POLN: variants seen among roughly 807,000 people sequenced by gnomAD.
The protein encoded by POLN is DNA polymerase N.
In POLN, 108 loss-of-function variants were observed where a neutral mutation model predicts 113.5. The ratio of observed to expected loss-of-function variants is 0.95; its 90% CI spans 0.81 to 1.12. The LOEUF is 1.12. POLN is among the 50% of genes most tolerant of loss of function. The pLI, the probability that POLN is intolerant of heterozygous loss-of-function variation, is 0.00. For missense variants in POLN, 1,097 were observed against 1,077.1 expected, an observed-to-expected ratio of 1.02 and a Z score of -0.26; for synonymous variants, 386 against 391.5, an observed-to-expected ratio of 0.99 and a Z score of 0.17.
Position 2,085,605 on chromosome 4 carries a change from C to A in POLN, c.2197+8G>T. The stretch of plus-strand genomic sequence containing the variant: ...GGGAGCAGGGAGCTCTGGTTGTGGC[C>A]AACTCACCTGTCTGGTGACACTGGG... On this transcript the variant is annotated splice_region_variant and intron_variant, in intron 21 of 25. Transcript: ENST00000511885. The A allele has an allele frequency of 6.2e-7, 1 of 1,613,688 alleles. No homozygotes were observed. The highest frequency in any genetic ancestry group is 1.1e-5 in the South Asian group (1 of 91,054).
At position 2,149,869 on chromosome 4, in the gene POLN, G is replaced by A. The variant is rs912129986; in HGVS notation, c.1731+6919C>T. ...GAGGCCAAGGAGGGCGGATCACGAGGTCAGGATTTTGAGACCAGCCTGGCC... is the reference window on the plus strand; with the variant it reads ...GAGGCCAAGGAGGGCGGATCACGAGATCAGGATTTTGAGACCAGCCTGGCC... On this transcript the variant is annotated intron_variant, in intron 16 of 25. Coordinates refer to ENST00000511885, the MANE Select transcript of POLN (RefSeq NM_181808.4). Among the ~76,000 whole-genome samples, 5 of 152,000 alleles carry A rather than the reference G, an allele frequency of 3.3e-5. No individual in the cohort carries two copies. The East Asian group carries it at 9.7e-4, about 29-fold the overall frequency.
intron 16 of POLN, among the ~76,000 whole-genome samples, chr4:2,146,641 G>C (rs1732149257): frequency 6.6e-6 from 1 of 152,138 alleles, no homozygotes; most frequent in Admixed American, 6.5e-5. Flanking sequence ...TGTGGGGAGG[G>C]GCAGGCAGAT....
rs1730712068 is a variant in POLN at position 2,093,441 on chromosome 4, AT to A, written c.2065+2409del. On this transcript the variant is annotated intron_variant, in intron 20 of 25. Coordinates refer to ENST00000511885, the MANE Select transcript of POLN (RefSeq NM_181808.4). This position sits in a 1 kb window ranked among gnomAD's most constrained non-coding sequence, Gnocchi z 4.1. ...ATGGCCCCATGCACCCTATGAGAGC[AT>A]TTTCCCAGGAGGAGATGGCACAGGG... 6.6e-6 allele frequency among the ~76,000 whole-genome samples: 1 copy of A among 152,172 alleles called. No individual in the cohort carries two copies. Among genetic ancestry groups the A allele is most frequent in the South Asian group, 2.1e-4 (1 of 4,830 alleles).
At chr4:2,173,755 G>A (rs535794644) in intron 11 of POLN, among the ~76,000 whole-genome samples, 200 bp downstream of exon 11, 6 of 151,934 alleles carry the variant, frequency 3.9e-5, no homozygotes, top group African/African-American at 7.3e-5. Flanking sequence ...AGAACTCCCC[G>A]GACACACACG....
In POLN at chr4:2,164,588, A is replaced by C. The variant is rs892431416; in HGVS notation, c.1555-5377T>G. ...GAGGCCAAGGTGGGTGGATTACCTG[A>C]GGTCAGGAGTTTGAGACCAGCCTGG... is the stretch of plus-strand genomic sequence containing the variant. On this transcript the variant is annotated intron_variant, in intron 13 of 25. Transcript: ENST00000511885. Among the ~76,000 whole-genome samples, 27 of 150,504 alleles carry C rather than the reference A, an allele frequency of 1.8e-4. 1 individual carries two copies. The highest frequency in any genetic ancestry group is 2.8e-4 in the Non-Finnish European group (19 of 67,734).
chr4:2,085,500 C>T lies in POLN; in HGVS notation c.2197+113G>A, dbSNP rs567575827. ...AAGAGCTGAGGATTCACCCAGGCCC[C>T]CAAACCAACCTCAGGACCCAGGGCC... On this transcript the variant is annotated intron_variant, in intron 21 of 25. Transcript: ENST00000511885. 181 of 1,432,038 alleles carry T rather than the reference C, an allele frequency of 1.3e-4. 1 individual carries two copies. The highest frequency in any genetic ancestry group is 1.5e-4 in the Non-Finnish European group (156 of 1,053,524). 88.7% of individuals were successfully genotyped at this position (1,432,038 alleles called of 1,614,324 possible).
chr4:2,107,633 AAGAG>A (rs1010213586), intron 19 of POLN, among the ~76,000 whole-genome samples: 12 of 152,076 alleles, frequency 7.9e-5, no homozygotes, highest in Admixed American at 7.2e-4. Context: ...TGGAAACGCG[AAGAG>A]AGAAAAGGCC....
intron 16 of POLN, among the ~76,000 whole-genome samples, chr4:2,152,239 T>C (rs990111088): frequency 2.6e-5 from 4 of 151,934 alleles, no homozygotes; most frequent in Middle Eastern, 3.4e-3. Context: ...GGTTTCACCA[T>C]GTTGTCCAGC....
intron 19 of POLN, among the ~76,000 whole-genome samples, chr4:2,108,698 T>C (rs1201418861): frequency 6.6e-6 from 1 of 152,180 alleles, no homozygotes; most frequent in African/African-American, 2.4e-5. Flanking sequence ...CTGTAAAGCA[T>C]GCTGTGTGAT....
intron 25 of POLN, 140 bp from the exon 26 acceptor site, chr4:2,072,439 A>C (rs1401112633): frequency 1.4e-6 from 1 of 710,534 alleles, no homozygotes; most frequent in Non-Finnish European, 2.3e-6. Flanking sequence ...ACACGCACAC[A>C]TGTGCATACA....
intron 2 of POLN, among the ~76,000 whole-genome samples, chr4:2,232,424 G>A (rs1734617261): frequency 1.3e-5 from 2 of 152,142 alleles, no homozygotes; most frequent in South Asian, 4.1e-4. Context: ...GCTGTTCTGT[G>A]CATTCATATA....
At chr4:2,088,293 G>A (rs531761059) in intron 20 of POLN, among the ~76,000 whole-genome samples, 1 of 152,224 alleles carries the variant, frequency 6.6e-6, no homozygotes, top group East Asian at 1.9e-4. Flanking sequence ...TCTCAACTAT[G>A]CTGTGCCACA....
intron 10 of POLN, 140 bp from the exon 11 acceptor site, chr4:2,174,159 C>T: frequency 5.0e-6 from 4 of 792,240 alleles, no homozygotes; most frequent in Non-Finnish European, 8.6e-6. Flanking sequence ...CCAACCTCTG[C>T]ACAGGATCTG....
intron 13 of POLN, among the ~76,000 whole-genome samples, chr4:2,162,209 T>C (rs1382640482): frequency 6.6e-6 from 1 of 152,128 alleles, no homozygotes; most frequent in Non-Finnish European, 1.5e-5. Flanking sequence ...TTATGAGCTG[T>C]AACACTCACT....
At chr4:2,238,690 C>G (rs772224178) in intron 2 of POLN, 17 of 1,613,284 alleles carry the variant, frequency 1.1e-5, no homozygotes, top group Non-Finnish European at 1.4e-5. Context: ...TTTCTAATTG[C>G]TTGTAGAGCA....
intron 5 of POLN, among the ~76,000 whole-genome samples, chr4:2,204,894 T>C (rs557842686): frequency 1.5e-4 from 23 of 152,286 alleles, no homozygotes; most frequent in African/African-American, 5.5e-4. Context: ...CCAGCATTGC[T>C]TTATTATTAA....
At chr4:2,135,080 A>G (rs1731820753) in intron 16 of POLN, among the ~76,000 whole-genome samples, 1 of 152,178 alleles carries the variant, frequency 6.6e-6, no homozygotes, top group African/African-American at 2.4e-5. Context: ...GCCTTCTGGG[A>G]GTTATTGTCT....
chr4:2,185,642 A>C (rs1733253576), intron 7 of POLN, among the ~76,000 whole-genome samples: 2 of 152,196 alleles, frequency 1.3e-5, no homozygotes, highest in Non-Finnish European at 2.9e-5. Flanking sequence ...GCTACTCAAG[A>C]GGCTGAGTCA....
intron 11 of POLN, 130 bp from the exon 12 acceptor site, chr4:2,171,311 G>A: frequency 2.9e-6 from 2 of 690,578 alleles, no homozygotes; most frequent in South Asian, 1.9e-5. Context: ...CCAGCCCTTT[G>A]GGAGGCTGAG....
Sources: allele counts gnomAD v4.1 joint callset (sites outside exome capture counted in the v4.1 genomes callset), GRCh38; gene constraint gnomAD v4.1.1; non-coding constraint Gnocchi (gnomAD v3.1); transcripts MANE v1.5; gene names NCBI Gene and HGNC (gene_info 2026-07-23, HGNC 2026-07-21).